BLK: variants seen among roughly 807,000 people sequenced by gnomAD.
BLK encodes tyrosine-protein kinase Blk.
Under a neutral mutation model 61.8 loss-of-function variants are expected in BLK, and 64 were observed. That is an observed-to-expected ratio of 1.03 (90% CI 0.85 to 1.27). BLK has a LOEUF of 1.27. BLK is among the 50% of genes most tolerant of loss of function. The probability of loss-of-function intolerance (pLI) is 0.00; values close to 1 mark genes in which losing one functional copy is unlikely to be tolerated. For synonymous variants in BLK, 351 were observed against 272.0 expected (o/e 1.29, Z -2.86); for missense variants, 853 against 660.5 (o/e 1.29, Z -3.19).
intron 3 of BLK, 127 bp downstream of exon 3, chr8:11,546,230 A>C: frequency 8.6e-7 from 1 of 1,158,164 alleles, no homozygotes; most frequent in Admixed American, 1.7e-5. Context: ...GGGGAAGCTG[A>C]GAGAGGCCCC....
intron 11 of BLK, 117 bp downstream of exon 11, chr8:11,561,569 GT>G: frequency 7.5e-7 from 1 of 1,330,986 alleles, no homozygotes; most frequent in Non-Finnish European, 1.1e-6. Flanking sequence ...GGGCTATACG[GT>G]TTCTACAGCT....
chr8:11,539,030 G>T (rs1800259077), intron 1 of BLK, among the ~76,000 whole-genome samples: 3 of 151,974 alleles, frequency 2.0e-5, no homozygotes, highest in Non-Finnish European at 4.4e-5. Context: ...TACTTTGGTG[G>T]GACCTGCTTT....
intron 5 of BLK, 79 bp downstream of exon 5, chr8:11,549,201 C>A: frequency 1.5e-6 from 2 of 1,327,556 alleles, no homozygotes; most frequent in Non-Finnish European, 2.1e-6. Flanking sequence ...CAGGGCAGGG[C>A]CAGAGTGGGA....
chr8:11,508,759 C>A (rs1335829674), intron 1 of BLK, among the ~76,000 whole-genome samples: 3 of 152,224 alleles, frequency 2.0e-5, no homozygotes, highest in Non-Finnish European at 4.4e-5. Flanking sequence ...GTGCACCCAT[C>A]TCTCCTTCTG....
At chr8:11,563,190 G>T in intron 12 of BLK, 80 bp downstream of exon 12, 1 of 1,596,078 alleles carries the variant, frequency 6.3e-7, no homozygotes. Flanking sequence ...CTTGGTGCCT[G>T]TGGCTGCCCT....
chr8:11,524,784 A>G (rs1799587880), intron 1 of BLK, among the ~76,000 whole-genome samples: 1 of 152,202 alleles, frequency 6.6e-6, no homozygotes, highest in Non-Finnish European at 1.5e-5. Context: ...AAACCTCACG[A>G]TCAGATGCTG....
intron 1 of BLK, among the ~76,000 whole-genome samples, chr8:11,495,553 A>G (rs185364068): frequency 2.6e-5 from 4 of 152,314 alleles, no homozygotes; most frequent in South Asian, 4.1e-4. Context: ...ACCAACTCAT[A>G]ACCCCAGTCA....
In BLK at chr8:11,561,426, T is replaced by C; in HGVS notation, c.1154T>C (p.Ile385Thr). The C allele has an allele frequency of 6.2e-7, 1 of 1,613,958 alleles. No homozygotes were observed. The highest frequency in any genetic ancestry group is 1.7e-5 in the Admixed American group (1 of 60,010). The change falls in exon 11 of 13, where the codon ATC becomes ACC. Residue 385 changes from isoleucine (I) to threonine (T), a missense_variant. Physicochemically the swap from Ile to Thr is moderately conservative, Grantham distance 89. Transcript: ENST00000259089. ...GCTGATTTTGGCTTGGCTCGAATCATCGACAGTGAATACACGGCCCAAGAG... is the reference window on the plus strand; with the variant it reads ...GCTGATTTTGGCTTGGCTCGAATCACCGACAGTGAATACACGGCCCAAGAG... ...KIADFGLARI[I>T]DSEYTAQEGA...
chr8:11,541,745 G>C (rs923214962), intron 1 of BLK, among the ~76,000 whole-genome samples: 5 of 152,034 alleles, frequency 3.3e-5, no homozygotes, highest in African/African-American at 4.8e-5. Context: ...GGATCTGCCC[G>C]CCTCGGCCTT....
intron 1 of BLK, among the ~76,000 whole-genome samples, chr8:11,541,081 C>T (rs1398564716): frequency 6.6e-6 from 1 of 152,132 alleles, no homozygotes; most frequent in Admixed American, 6.5e-5. Context: ...GCCTGCATGA[C>T]ATGGCAAAAC....
intron 1 of BLK, among the ~76,000 whole-genome samples, chr8:11,513,869 G>A (rs1342200181): frequency 6.6e-6 from 1 of 152,206 alleles, no homozygotes; most frequent in Non-Finnish European, 1.5e-5. Context: ...TTGGGGTAAT[G>A]GAGCAGCTGG....
chr8:11,522,910 G>A (rs1799512059), intron 1 of BLK, among the ~76,000 whole-genome samples: 1 of 152,050 alleles, frequency 6.6e-6, no homozygotes, highest in African/African-American at 2.4e-5. Context: ...TATTAATTTT[G>A]GAGAGAAAGA....
intron 10 of BLK, chr8:11,560,002 T>A: frequency 4.6e-5 from 17 of 365,764 alleles, no homozygotes; most frequent in South Asian, 3.5e-4. Context: ...ATATTAGTTA[T>A]CAGAACGAGT....
At chr8:11,548,995 C>T (rs1563114143) in intron 4 of BLK, 29 bp from the exon 5 acceptor site, 1 of 1,577,984 alleles carries the variant, frequency 6.3e-7, no homozygotes, top group Non-Finnish European at 8.6e-7. Flanking sequence ...GGGCCATGAT[C>T]TCATCTCTGT....
At position 11,564,256 on chromosome 8, in the gene BLK, G is replaced by A. The variant is rs1029548285; in HGVS notation, c.*148G>A. ...GTGGGCAGAGGCAGCTTCGCAGGGG[G>A]TCCCCGGACGGACTCCTTCACCGAC... is the stretch of plus-strand genomic sequence containing the variant. On this transcript the variant is annotated 3_prime_UTR_variant, in exon 13 of 13. Transcript: ENST00000259089. 6.2e-6 allele frequency: 6 copies of A among 966,690 alleles called. No individual in the cohort carries two copies. Among genetic ancestry groups the A allele is most frequent in the Non-Finnish European group, 7.9e-6 (5 of 630,982 alleles). The allele number at this position is 966,690 out of a possible 1,614,324, so 59.9% of individuals were successfully genotyped here. A position where few individuals can be genotyped will look rare whatever the true frequency, so the allele number is the denominator to read the frequency against.
chr8:11,542,891 G>A (rs113318559), intron 1 of BLK, among the ~76,000 whole-genome samples: 4 of 152,276 alleles, frequency 2.6e-5, no homozygotes, highest in African/African-American at 7.2e-5. Context: ...ACATTGGTGG[G>A]CTCTTTCTAG....
chr8:11,529,797 TGGTTA>T (rs893555550), intron 1 of BLK, among the ~76,000 whole-genome samples: 6 of 152,206 alleles, frequency 3.9e-5, no homozygotes, highest in Non-Finnish European at 7.3e-5. Context: ...AAGATGCAGT[TGGTTA>T]GGTTAGATCT....
In BLK at chr8:11,505,496, G is replaced by A. The variant is rs533191402; in HGVS notation, c.-2+10905G>A. 2.0e-5 allele frequency among the ~76,000 whole-genome samples: 3 copies of A among 152,210 alleles called. 1 individual carries two copies. The South Asian group carries it at 6.2e-4, about 32-fold the overall frequency. The stretch of plus-strand genomic sequence containing the variant: ...CCTCTGGCCGGTGTCCCTGAGTGAG[G>A]GCAAAGTTGTAATAACACTTGTTCT... On this transcript the variant is annotated intron_variant, in intron 1 of 12. Coordinates refer to ENST00000259089, the MANE Select transcript of BLK (RefSeq NM_001715.3).
chr8:11,543,495 A>G, intron 2 of BLK, 148 bp downstream of exon 2: 1 of 1,169,852 alleles, frequency 8.5e-7, no homozygotes. Flanking sequence ...CATGCAATAT[A>G]ACACGCACAG....
Sources: gnomAD v4.1 joint callset for allele counts (sites outside exome capture counted in the v4.1 genomes callset) on GRCh38, gnomAD v4.1.1 for gene constraint, MANE v1.5 for transcripts, NCBI Gene and HGNC (gene_info 2026-07-23, HGNC 2026-07-21) for gene names.